CNTNAP4: variants seen among roughly 807,000 people sequenced by gnomAD.
CNTNAP4 encodes the protein contactin associated protein family member 4, also known as contactin-associated protein-like 4.
A neutral mutation model predicts 148.4 loss-of-function variants in CNTNAP4; 98 were observed. The ratio of observed to expected loss-of-function variants is 0.66; its 90% CI spans 0.56 to 0.78. The LOEUF (loss-of-function observed/expected upper bound fraction) is 0.78. Among genes scored for constraint, CNTNAP4 ranks in the 30% least tolerant of loss-of-function variants. The pLI is 0.00. For synonymous variants in CNTNAP4, 730 were observed against 565.1 expected (o/e 1.29, Z -4.14); for missense variants, 1,935 against 1,565.6 (o/e 1.24, Z -3.98).
chr16:76,543,266 A>G (rs1020948285), intron 21 of CNTNAP4, among the ~76,000 whole-genome samples: 3 of 152,234 alleles, frequency 2.0e-5, no homozygotes, highest in African/African-American at 4.8e-5. Flanking sequence ...AAGGAAACCC[A>G]TAACTTGTGG....
intron 10 of CNTNAP4, among the ~76,000 whole-genome samples, chr16:76,472,242 A>G (rs1389729355): frequency 8.1e-6 from 1 of 123,642 alleles, no homozygotes; most frequent in Non-Finnish European, 1.9e-5. Context: ...CTAAATTGCC[A>G]TAGGTTACTA....
intron 2 of CNTNAP4, among the ~76,000 whole-genome samples, chr16:76,318,941 C>T (rs1026861194): frequency 2.6e-5 from 4 of 151,990 alleles, no homozygotes; most frequent in African/African-American, 9.7e-5. Flanking sequence ...CACAGAATGA[C>T]TTCTTTCCTA....
intron 3 of CNTNAP4, among the ~76,000 whole-genome samples, chr16:76,368,898 G>A (rs2144609214): frequency 6.6e-6 from 1 of 152,156 alleles, no homozygotes; most frequent in South Asian, 2.1e-4. Flanking sequence ...GAGCTCAATG[G>A]CTGCGTTAGA....
chr16:76,362,937 A>G lies in CNTNAP4; in HGVS notation c.390+7426A>G, dbSNP rs575894525. ...TAAAATAAGGAAAAAAGAATACACA[A>G]TGGGGGCCAGGCATGGCAGCTTATA... On this transcript the variant is annotated intron_variant, in intron 3 of 23. Transcript: ENST00000611870. Among the ~76,000 whole-genome samples, 33 of 152,180 alleles carry G rather than the reference A, an allele frequency of 2.2e-4. 1 individual carries two copies. Among genetic ancestry groups the G allele is most frequent in the East Asian group, 7.7e-4 (4 of 5,178 alleles).
intron 3 of CNTNAP4, among the ~76,000 whole-genome samples, chr16:76,372,301 A>G (rs1028498886): frequency 1.0e-4 from 14 of 137,216 alleles, no homozygotes; most frequent in Middle Eastern, 3.6e-3. Context: ...CACCAGGCCC[A>G]GCTAATTTTT....
intron 2 of CNTNAP4, among the ~76,000 whole-genome samples, chr16:76,348,627 G>C (rs1483077255): frequency 2.6e-5 from 4 of 152,172 alleles, no homozygotes; most frequent in Non-Finnish European, 4.4e-5. Context: ...TGGGCATTGA[G>C]AATGATCACT....
intron 10 of CNTNAP4, among the ~76,000 whole-genome samples, chr16:76,472,243 T>C (rs562942245): frequency 8.1e-6 from 1 of 123,666 alleles, no homozygotes; most frequent in East Asian, 2.4e-4. Flanking sequence ...TAAATTGCCA[T>C]AGGTTACTAG....
At chr16:76,319,050 C>T (rs1487490863) in intron 2 of CNTNAP4, among the ~76,000 whole-genome samples, 1 of 151,926 alleles carries the variant, frequency 6.6e-6, no homozygotes, top group Non-Finnish European at 1.5e-5. Flanking sequence ...AAGGGTAATA[C>T]TGTGAAAATG....
In CNTNAP4 at chr16:76,277,587, C is replaced by T; in HGVS notation, c.-76C>T. ...GGGCTGAAGACCCAGACAGAGCTGG[C>T]AGAGCTACTGAGAAGAGGACTGGAG... On this transcript the variant is annotated 5_prime_UTR_variant, in exon 1 of 24. Transcript: ENST00000611870. 3.1e-6 allele frequency: 3 copies of T among 955,032 alleles called. No individual in the cohort carries two copies. Among genetic ancestry groups the T allele is most frequent in the South Asian group, 1.4e-5 (1 of 71,314 alleles). The allele number at this position is 955,032 out of a possible 1,614,324, so 59.2% of individuals were successfully genotyped here.
intron 13 of CNTNAP4, among the ~76,000 whole-genome samples, chr16:76,491,787 C>T (rs2082232086): frequency 6.6e-6 from 1 of 152,126 alleles, no homozygotes; most frequent in African/African-American, 2.4e-5. Flanking sequence ...GTATAATGCC[C>T]TTCATGTTCA....
chr16:76,295,429 A>T (rs566524822), intron 1 of CNTNAP4, among the ~76,000 whole-genome samples: 1 of 152,302 alleles, frequency 6.6e-6, no homozygotes, highest in African/African-American at 2.4e-5. Context: ...TGTGTGTGAC[A>T]CTGATTAGAT....
At chr16:76,442,561 T>G (rs569155748) in intron 4 of CNTNAP4, among the ~76,000 whole-genome samples, 1 of 152,188 alleles carries the variant, frequency 6.6e-6, no homozygotes, top group Admixed American at 6.5e-5. Flanking sequence ...GTGAGGGCTT[T>G]TGCAGGGTCA....
chr16:76,288,763 G>A (rs189591352), intron 1 of CNTNAP4, among the ~76,000 whole-genome samples: 284 of 152,260 alleles, frequency 1.9e-3, no homozygotes, highest in African/African-American at 5.0e-3. Flanking sequence ...AAAACAATAC[G>A]TTGATGGATG....
At chr16:76,505,827 G>A (rs1328125765) in intron 15 of CNTNAP4, among the ~76,000 whole-genome samples, 1 of 96,180 alleles carries the variant, frequency 1.0e-5, no homozygotes, top group African/African-American at 2.6e-5. Flanking sequence ...TTGAGACTGG[G>A]AGCTCGAGGC....
At position 76,522,618 on chromosome 16, in the gene CNTNAP4, C is replaced by G. The variant is rs199946747; in HGVS notation, c.2755+361C>G. ...TCTCTTTCTTTTCTTTATTTCCTTC[C>G]TTCCTTCCTTCCTTCCTTCTTTCTT... is the stretch of plus-strand genomic sequence containing the variant. On this transcript the variant is annotated intron_variant, in intron 17 of 23. Transcript: ENST00000611870. Among the ~76,000 whole-genome samples the G allele has an allele frequency of 7.1e-5, 8 of 113,360 alleles. 1 individual carries two copies. The East Asian group carries it at 2.0e-3, about 29-fold the overall frequency. The allele number at this position is 113,360 out of a possible 152,430, so 74.4% of individuals were successfully genotyped here.
rs547519943 is a variant in CNTNAP4, at chr16:76,513,569, T to C, written c.2366-7571T>C. Among the ~76,000 whole-genome samples the C allele has an allele frequency of 2.0e-5, 3 of 152,342 alleles. No homozygotes were observed. The East Asian group carries it at 5.8e-4, about 29-fold the overall frequency. On this transcript the variant is annotated intron_variant, in intron 15 of 23. Coordinates refer to ENST00000611870, the MANE Select transcript of CNTNAP4 (RefSeq NM_033401.5). ...TACTAGTTTTTATTTTCAATTATTT[T>C]AGTCTAATACTTTAATTAATATTTA...
chr16:76,346,299 C>A (rs748545891), intron 2 of CNTNAP4, among the ~76,000 whole-genome samples: 1 of 151,756 alleles, frequency 6.6e-6, no homozygotes, highest in Non-Finnish European at 1.5e-5. Flanking sequence ...CTAGTAATGC[C>A]GGCTTTTCTA....
intron 15 of CNTNAP4, among the ~76,000 whole-genome samples, chr16:76,515,094 C>T (rs2083195445): frequency 6.6e-6 from 1 of 151,972 alleles, no homozygotes; most frequent in Admixed American, 6.6e-5. Flanking sequence ...ATAAATGAGA[C>T]TTTATCAAAA....
intron 2 of CNTNAP4, among the ~76,000 whole-genome samples, chr16:76,346,000 C>A (rs189034525): frequency 7.9e-4 from 120 of 152,250 alleles, no homozygotes; most frequent in African/African-American, 2.7e-3. Flanking sequence ...TTACCAGGAA[C>A]TGAATCTGCC....
Sources: allele counts gnomAD v4.1 joint callset (sites outside exome capture counted in the v4.1 genomes callset), GRCh38; gene constraint gnomAD v4.1.1; transcripts MANE v1.5; gene names NCBI Gene and HGNC (gene_info 2026-07-23, HGNC 2026-07-21).